The following FBXL17 variants were observed in gnomAD, a reference collection of about 807,000 sequenced individuals.
FBXL17 encodes the protein F-box and leucine rich repeat protein 17.
A neutral mutation model predicts 66.2 loss-of-function variants in FBXL17; 22 were observed. The observed-to-expected ratio is 0.33, with a 90% CI of 0.24 to 0.47. The LOEUF (loss-of-function observed/expected upper bound fraction) is 0.47. Ranked by LOEUF, FBXL17 falls within the 20% of genes least tolerant of loss-of-function variation. The pLI is 1.00. For synonymous variants in FBXL17, 474 were observed against 400.5 expected (o/e 1.18, Z -2.19); for missense variants, 878 against 948.2 (o/e 0.93, Z 0.97).
chr5:108,149,263 A>G (rs1201213706), intron 6 of FBXL17, among the ~76,000 whole-genome samples: 2 of 152,224 alleles, frequency 1.3e-5, no homozygotes, highest in African/African-American at 4.8e-5. Context: ...TCAATTTTTA[A>G]AAAGCCTTAA....
At chr5:107,978,887 G>A (rs1270381823) in intron 7 of FBXL17, among the ~76,000 whole-genome samples, 1 of 152,170 alleles carries the variant, frequency 6.6e-6, no homozygotes, top group East Asian at 1.9e-4. Flanking sequence ...TTTTGTTTGT[G>A]CAGGGGGCAG....
intron 4 of FBXL17, among the ~76,000 whole-genome samples, chr5:108,326,809 A>C (rs912241886): frequency 1.3e-5 from 2 of 152,158 alleles, no homozygotes; most frequent in Non-Finnish European, 2.9e-5. Context: ...AAAAATCTAA[A>C]AATAACACCA....
At chr5:108,112,290 T>C (rs1232278679) in intron 6 of FBXL17, among the ~76,000 whole-genome samples, 1 of 152,166 alleles carries the variant, frequency 6.6e-6, no homozygotes, top group Non-Finnish European at 1.5e-5. Flanking sequence ...GTGGGAAATA[T>C]CTGGAGCTTA....
At chr5:107,878,747 C>A in intron 8 of FBXL17, 1 of 985,454 alleles carries the variant, frequency 1.0e-6, no homozygotes, top group Non-Finnish European at 1.2e-6. Context: ...CAAGGCTTTA[C>A]TTGTGCTTTG....
At chr5:108,354,600 T>C (rs1747849515) in intron 3 of FBXL17, among the ~76,000 whole-genome samples, 1 of 151,698 alleles carries the variant, frequency 6.6e-6, no homozygotes, top group African/African-American at 2.4e-5. Context: ...TTACCCAAAT[T>C]AAGATCAGAT....
At chr5:108,265,286 GA>G (rs1008353093) in intron 4 of FBXL17, among the ~76,000 whole-genome samples, 11 of 150,090 alleles carry the variant, frequency 7.3e-5, no homozygotes, top group Non-Finnish European at 1.5e-5. Context: ...TAATCTTCAG[GA>G]AAAAAAAATT....
chr5:108,325,897 T>C (rs974452863), intron 4 of FBXL17, among the ~76,000 whole-genome samples: 36 of 152,200 alleles, frequency 2.4e-4, no homozygotes, highest in African/African-American at 8.7e-4. Flanking sequence ...TAACATTTTC[T>C]AGCCTACAAA....
chr5:108,130,191 C>T (rs996521207), intron 6 of FBXL17, among the ~76,000 whole-genome samples: 2 of 151,392 alleles, frequency 1.3e-5, no homozygotes, highest in African/African-American at 4.8e-5. Flanking sequence ...AAACATTAAA[C>T]AGGTTTGGCG....
At chr5:108,081,652 G>A (rs1340584292) in intron 6 of FBXL17, among the ~76,000 whole-genome samples, 2 of 152,134 alleles carry the variant, frequency 1.3e-5, no homozygotes, top group Admixed American at 6.5e-5. Context: ...GAACCCGGGA[G>A]GCGGAGCTTG....
At chr5:108,042,620 T>C (rs75251266) in intron 6 of FBXL17, among the ~76,000 whole-genome samples, 3,731 of 152,280 alleles carry the variant, frequency 0.025, 66 homozygotes, top group Non-Finnish European at 0.036. Context: ...TCAGTAGTAT[T>C]CCATGATATG....
intron 7 of FBXL17, among the ~76,000 whole-genome samples, chr5:107,980,660 A>T (rs868258544): frequency 2.8e-4 from 19 of 68,514 alleles, no homozygotes; most frequent in South Asian, 1.1e-3. Flanking sequence ...ATATATATAT[A>T]TATATTTTTT....
Position 107,859,889 on chromosome 5 carries a change from G to A in FBXL17, c.*1831C>T, listed in dbSNP as rs763120519. 6.6e-6 allele frequency: 1 copy of A among 152,114 alleles called. No homozygotes were observed. The highest frequency in any genetic ancestry group is 1.5e-5 in the Non-Finnish European group (1 of 68,002). 9.4% of individuals were successfully genotyped at this position (152,114 alleles called of 1,614,324 possible). On this transcript the variant is annotated 3_prime_UTR_variant, in exon 9 of 9. Coordinates refer to ENST00000542267, the MANE Select transcript of FBXL17 (RefSeq NM_001163315.3). ...ATATTGTGAAATAAGATATTTCAGTGGTGGGGAAGTGGATATGAAAATGAT... is the reference window on the plus strand; with the variant it reads ...ATATTGTGAAATAAGATATTTCAGTAGTGGGGAAGTGGATATGAAAATGAT...
At chr5:108,051,745 G>A (rs572117330) in intron 6 of FBXL17, among the ~76,000 whole-genome samples, 43 of 152,192 alleles carry the variant, frequency 2.8e-4, no homozygotes, top group Middle Eastern at 3.4e-3. Flanking sequence ...GGGAGGCTGA[G>A]GTGGGCAAAT....
At chr5:108,272,146 C>G (rs1489780926) in intron 4 of FBXL17, among the ~76,000 whole-genome samples, 1 of 151,862 alleles carries the variant, frequency 6.6e-6, no homozygotes, top group Non-Finnish European at 1.5e-5. Context: ...AACAAATTAG[C>G]CGCGTGTTGT....
At chr5:108,214,482 C>A (rs1225512057) in intron 5 of FBXL17, among the ~76,000 whole-genome samples, 2 of 151,712 alleles carry the variant, frequency 1.3e-5, no homozygotes, top group African/African-American at 2.4e-5. Context: ...ATTCTCCTGC[C>A]TCAGCCTCCC....
intron 6 of FBXL17, among the ~76,000 whole-genome samples, chr5:108,177,738 A>G (rs897332177): frequency 3.9e-5 from 6 of 151,940 alleles, no homozygotes; most frequent in Admixed American, 3.3e-4. Context: ...GAACTATTCA[A>G]CGTGTCTGGG....
chr5:108,269,999 G>GAAAACAAAAC (rs146405050), intron 4 of FBXL17, among the ~76,000 whole-genome samples: 2 of 151,812 alleles, frequency 1.3e-5, no homozygotes, highest in African/African-American at 4.8e-5. Context: ...AGCAGAACCA[G>GAAAACAAAAC]AAAACAAAAC....
At chr5:108,048,816 C>T (rs761590272) in intron 6 of FBXL17, among the ~76,000 whole-genome samples, 27 of 152,108 alleles carry the variant, frequency 1.8e-4, no homozygotes, top group East Asian at 5.8e-4. Context: ...CGTAAAAAGG[C>T]GGAACCTGGG....
In FBXL17 at chr5:108,368,055, C is replaced by G; in HGVS notation, c.994-102G>C. On this transcript the variant is annotated intron_variant, in intron 1 of 8. Transcript: ENST00000542267. ...AAAAGTTAACTTTGTAAAAAGAAAA[C>G]CTTCTTGAATAAAAGAGGCCATTAT... 11 of 1,147,322 alleles carry G rather than the reference C, an allele frequency of 9.6e-6. No individual in the cohort carries two copies. In the South Asian group the frequency reaches 1.7e-4, roughly 17 times the overall value. 71.1% of individuals were successfully genotyped at this position (1,147,322 alleles called of 1,614,324 possible).
Sources: gnomAD v4.1 joint callset for allele counts (sites outside exome capture counted in the v4.1 genomes callset) on GRCh38, gnomAD v4.1.1 for gene constraint, MANE v1.5 for transcripts, NCBI Gene and HGNC (gene_info 2026-07-23, HGNC 2026-07-21) for gene names.